Variants in PITPNC1 observed in about 807,000 individuals in gnomAD.
PITPNC1 encodes the protein cytoplasmic phosphatidylinositol transfer protein 1.
PITPNC1 carries 18 observed loss-of-function variants against 44.7 expected under a neutral mutation model. The ratio of observed to expected loss-of-function variants is 0.40; its 90% CI spans 0.28 to 0.60. PITPNC1 has a LOEUF of 0.60. Ranked by LOEUF, PITPNC1 falls within the 20% of genes least tolerant of loss-of-function variation. The pLI is 0.39. For synonymous variants in PITPNC1, 141 were observed against 149.6 expected (o/e 0.94, Z 0.42); for missense variants, 290 against 418.4 (o/e 0.69, Z 2.68).
At chr17:67,439,808 C>T (rs1468801948) in intron 1 of PITPNC1, among the ~76,000 whole-genome samples, 2 of 151,986 alleles carry the variant, frequency 1.3e-5, no homozygotes, top group East Asian at 1.9e-4. Flanking sequence ...TTTGGCATCC[C>T]GTTTCTTGAT....
intron 1 of PITPNC1, among the ~76,000 whole-genome samples, chr17:67,485,555 G>A (rs924276851): frequency 6.6e-6 from 1 of 151,620 alleles, no homozygotes; most frequent in Non-Finnish European, 1.5e-5. Flanking sequence ...AGTAGAGATG[G>A]GGTCTCACCA....
intron 4 of PITPNC1, among the ~76,000 whole-genome samples, chr17:67,565,205 T>C (rs1463989389): frequency 6.6e-6 from 1 of 152,200 alleles, no homozygotes; most frequent in East Asian, 1.9e-4. Context: ...TCAGTGTGTG[T>C]ACTAGTTTTC....
intron 1 of PITPNC1, among the ~76,000 whole-genome samples, chr17:67,450,567 A>G: frequency 6.6e-6 from 1 of 152,024 alleles, no homozygotes. Flanking sequence ...CTGGGACTAC[A>G]GGCGCACACC....
At chr17:67,405,973 G>C (rs1291020638) in intron 1 of PITPNC1, among the ~76,000 whole-genome samples, 1 of 152,012 alleles carries the variant, frequency 6.6e-6, no homozygotes, top group Non-Finnish European at 1.5e-5. Flanking sequence ...CATTATAGAT[G>C]ATTTAGTCTT....
intron 5 of PITPNC1, among the ~76,000 whole-genome samples, chr17:67,624,532 T>G (rs1171684302): frequency 6.6e-6 from 1 of 151,932 alleles, no homozygotes; most frequent in Non-Finnish European, 1.5e-5. Flanking sequence ...TTTGTTTTTT[T>G]GTTTGTTTTG....
chr17:67,626,758 G>C (rs2041900609), intron 5 of PITPNC1, among the ~76,000 whole-genome samples: 2 of 151,390 alleles, frequency 1.3e-5, no homozygotes, highest in African/African-American at 4.9e-5. Context: ...ACTGAGCCCT[G>C]TGGCAGCAAT....
intron 1 of PITPNC1, among the ~76,000 whole-genome samples, chr17:67,425,186 T>TGTGCGCGCGCGC (rs1447478316): frequency 7.2e-5 from 4 of 55,724 alleles, no homozygotes; most frequent in African/African-American, 1.5e-4. Flanking sequence ...AGCCATGTTG[T>TGTGCGCGCGCGC]GCGCGCGCAC....
At chr17:67,491,465 T>C (rs2039864007) in intron 1 of PITPNC1, among the ~76,000 whole-genome samples, 3 of 152,202 alleles carry the variant, frequency 2.0e-5, no homozygotes, top group South Asian at 4.1e-4. Flanking sequence ...TTCATGAACA[T>C]CTGTCTAAAA....
intron 6 of PITPNC1, among the ~76,000 whole-genome samples, chr17:67,657,566 A>G (rs978977487): frequency 6.6e-6 from 1 of 150,866 alleles, no homozygotes; most frequent in Non-Finnish European, 1.5e-5. Context: ...GGGGCAAAGC[A>G]TTTTATTTTT....
At chr17:67,488,854 A>G (rs1010503307) in intron 1 of PITPNC1, among the ~76,000 whole-genome samples, 1 of 152,222 alleles carries the variant, frequency 6.6e-6, no homozygotes, top group African/African-American at 2.4e-5. Context: ...GTCCTTGTGT[A>G]TCTATCTGGC....
At chr17:67,421,801 A>C (rs2038676043) in intron 1 of PITPNC1, among the ~76,000 whole-genome samples, 2 of 152,146 alleles carry the variant, frequency 1.3e-5, no homozygotes, top group South Asian at 2.1e-4. Context: ...GCAAAGATGC[A>C]GAATCTGTTT....
At chr17:67,383,591 G>T (rs1392492169) in intron 1 of PITPNC1, among the ~76,000 whole-genome samples, 1 of 152,182 alleles carries the variant, frequency 6.6e-6, no homozygotes. Context: ...TCACCAAGGA[G>T]GCTCCTTGGA....
chr17:67,632,466 C>T, intron 6 of PITPNC1: 1 of 560,254 alleles, frequency 1.8e-6, no homozygotes, highest in Non-Finnish European at 3.2e-6. Context: ...TTTCCTGTCT[C>T]CCAACTCTGC....
chr17:67,680,489 A>G (rs2042682659), intron 8 of PITPNC1, among the ~76,000 whole-genome samples: 1 of 151,876 alleles, frequency 6.6e-6, no homozygotes. Context: ...AATCCCAGCT[A>G]CTCAGGAGGC....
At chr17:67,576,249 A>G (rs929070934) in intron 4 of PITPNC1, among the ~76,000 whole-genome samples, 5 of 152,048 alleles carry the variant, frequency 3.3e-5, no homozygotes, top group Non-Finnish European at 5.9e-5. Context: ...ACCACTCAGT[A>G]TGGTGAAGAG....
chr17:67,473,957 T>C (rs2144012473), intron 1 of PITPNC1, among the ~76,000 whole-genome samples: 1 of 152,210 alleles, frequency 6.6e-6, no homozygotes, highest in East Asian at 1.9e-4. Context: ...GGTATTTGTT[T>C]ATCTATCCTC....
At chr17:67,410,542 C>T (rs2038479684) in intron 1 of PITPNC1, among the ~76,000 whole-genome samples, 4 of 151,992 alleles carry the variant, frequency 2.6e-5, no homozygotes, top group Admixed American at 2.0e-4. Flanking sequence ...CACTGCCATG[C>T]CCAGCTAATT....
rs1489419249 is a variant in PITPNC1, at chr17:67,676,607, A to G, written c.682+1065A>G. ...AATGCCCTTCTCCTTGGCCTTTTCCAAAGTCACATTAAATTTGTTCTGAGT... is the reference window on the plus strand; with the variant it reads ...AATGCCCTTCTCCTTGGCCTTTTCCGAAGTCACATTAAATTTGTTCTGAGT... On this transcript the variant is annotated intron_variant, in intron 8 of 8. Coordinates refer to ENST00000581322, the MANE Select transcript of PITPNC1 (RefSeq NM_012417.4). This position sits in a 1 kb window ranked among gnomAD's most constrained non-coding sequence, Gnocchi z 4.0. Among the ~76,000 whole-genome samples, 4 of 152,112 alleles carry G rather than the reference A, an allele frequency of 2.6e-5. No homozygotes were observed. In the East Asian group the frequency reaches 7.7e-4, roughly 29 times the overall value.
intron 8 of PITPNC1, among the ~76,000 whole-genome samples, chr17:67,691,643 TC>T (rs1332060166): frequency 6.6e-6 from 1 of 152,172 alleles, no homozygotes; most frequent in Middle Eastern, 3.2e-3. Flanking sequence ...CGACACACAG[TC>T]AGGAAACCAG....
Sources: allele counts gnomAD v4.1 joint callset (sites outside exome capture counted in the v4.1 genomes callset), GRCh38; gene constraint gnomAD v4.1.1; non-coding constraint Gnocchi (gnomAD v3.1); transcripts MANE v1.5; gene names NCBI Gene and HGNC (gene_info 2026-07-23, HGNC 2026-07-21).